ZNF692: variants seen among roughly 807,000 people sequenced by gnomAD.
The protein encoded by ZNF692 is AICAR responsive element binding protein.
Under a neutral mutation model 49.0 loss-of-function variants are expected in ZNF692, and 41 were observed. That is an observed-to-expected ratio of 0.84 (90% CI 0.65 to 1.08). The LOEUF is 1.08. Among genes scored for constraint, ZNF692 ranks in the 50% least tolerant of loss-of-function variants. ZNF692 has a pLI of 0.00. For synonymous variants in ZNF692, 288 were observed against 251.5 expected, an observed-to-expected ratio of 1.15 and a Z score of -1.37; for missense variants, 662 against 662.2, an observed-to-expected ratio of 1.00 and a Z score of 0.00.
intron 9 of ZNF692, chr1:248,854,307 C>T: frequency 2.3e-6 from 1 of 431,492 alleles, no homozygotes; most frequent in Admixed American, 3.6e-5. Flanking sequence ...TCCATTATCT[C>T]ACCTCCTTGT....
In ZNF692 at chr1:248,857,500, G is replaced by A. The variant is rs758476572; in HGVS notation, c.212-3C>T. 1 of 1,609,710 alleles carries A rather than the reference G, an allele frequency of 6.2e-7. No homozygotes were observed. The highest frequency in any genetic ancestry group is 1.7e-5 in the Admixed American group (1 of 59,624). On this transcript the variant is annotated splice_region_variant and splice_polypyrimidine_tract_variant and intron_variant, in intron 3 of 11. Coordinates refer to ENST00000306601, the MANE Select transcript of ZNF692 (RefSeq NM_017865.4). The stretch of plus-strand genomic sequence containing the variant: ...TTTTGGAGGCAAAGGCTCAGGACCT[G>A]GAGGGGTGGGGGAAGCAGTCAGGCT...
At position 248,857,188 on chromosome 1, in the gene ZNF692, C is replaced by T. The variant is rs377443937; in HGVS notation, c.475+46G>A. 17 of 1,548,164 alleles carry T rather than the reference C, an allele frequency of 1.1e-5. No individual in the cohort carries two copies. In the African/African-American group the frequency reaches 1.2e-4, roughly 11 times the overall value. The stretch of plus-strand genomic sequence containing the variant: ...GTTCTGAGCTACAGAAAATGGGAAA[C>T]GTTTTTCCTCCCTTTTCTCCATAAC... On this transcript the variant is annotated intron_variant, in intron 4 of 11. Coordinates refer to ENST00000306601, the MANE Select transcript of ZNF692 (RefSeq NM_017865.4).
intron 10 of ZNF692, among the ~76,000 whole-genome samples, chr1:248,853,508 G>T (rs747639590): frequency 7.2e-5 from 11 of 151,972 alleles, no homozygotes; most frequent in Non-Finnish European, 1.5e-4. Context: ...ACCACCTAAG[G>T]GCCCTTCCAC....
Position 248,855,479 on chromosome 1 carries a change from G to A in ZNF692, c.960-21C>T, listed in dbSNP as rs763173527. The A allele has an allele frequency of 3.1e-6, 5 of 1,613,948 alleles. No homozygotes were observed. In the Admixed American group the frequency reaches 8.3e-5, roughly 27 times the overall value. On this transcript the variant is annotated intron_variant, in intron 8 of 11. Transcript: ENST00000306601. ...CTTTCCTGAGGAGAAGAATGGAAAG[G>A]AGCAGCATGACTCCTGCCTGCCCTT...
At chr1:248,856,465 T>TCCTC in intron 5 of ZNF692, 43 bp from the exon 6 acceptor site, 2 of 1,614,172 alleles carry the variant, frequency 1.2e-6, no homozygotes, top group Non-Finnish European at 8.5e-7. Context: ...TGCTCCCTCA[T>TCCTC]CCTCCCACCT....
At chr1:248,853,471 C>A (rs1278927029) in intron 10 of ZNF692, among the ~76,000 whole-genome samples, 5 of 152,186 alleles carry the variant, frequency 3.3e-5, no homozygotes, top group Admixed American at 1.3e-4. Context: ...TGGCCTCTTC[C>A]CTATTCCTGG....
At chr1:248,851,043 A>G (rs1659521529) in intron 10 of ZNF692, 1 of 610,950 alleles carries the variant, frequency 1.6e-6, no homozygotes, top group Non-Finnish European at 3.1e-6. Flanking sequence ...ACTCAAACCA[A>G]TGAACTCCTG....
In ZNF692 at chr1:248,850,444, C is replaced by G. The variant is rs754007757; in HGVS notation, c.1326G>C (p.Thr442=). The part of the protein sequence containing the change: ...LNWHQRKHAE[T]VAALRFPCEF... ...CACAGGGGAAGCGCAAGGCAGCCAC[C>G]GTCTCTGCATGCTTGCGCTGGTGCC... The change falls in exon 12 of 12, where the codon ACG becomes ACC. Residue 442 remains threonine (T), a synonymous_variant. Transcript: ENST00000306601. The G allele has an allele frequency of 6.2e-7, 1 of 1,613,876 alleles. No individual in the cohort carries two copies. The highest frequency in any genetic ancestry group is 8.5e-7 in the Non-Finnish European group (1 of 1,179,950).
chr1:248,851,085 G>C (rs1206757512), intron 10 of ZNF692: 10 of 539,924 alleles, frequency 1.9e-5, no homozygotes, highest in Middle Eastern at 4.1e-4. Flanking sequence ...TCAGCCTCTA[G>C]GCTGGTTCTT....
In ZNF692 at chr1:248,857,310, T is replaced by G. The variant is rs1343794169; in HGVS notation, c.399A>C (p.Ala133=). ...GPSLSPTPSE[A]PKPASLPHTT... is the part of the protein sequence containing the mutation. Reference sequence around the variant, plus strand: ...TATGTGGAAGGGAGGCTGGCTTGGGTGCCTCTGAAGGTGTAGGGCTCAAAG... The same window carrying G: ...TATGTGGAAGGGAGGCTGGCTTGGGGGCCTCTGAAGGTGTAGGGCTCAAAG... Residue 133 remains alanine, a synonymous_variant, in exon 4 of 12, where the codon GCA becomes GCC. Transcript: ENST00000306601. 6 of 1,613,966 alleles carry G rather than the reference T, an allele frequency of 3.7e-6. No homozygotes were observed. The Admixed American group carries it at 5.0e-5, about 13-fold the overall frequency.
Position 248,857,393 on chromosome 1 carries a change from G to T in ZNF692, c.316C>A (p.Gln106Lys). 6.2e-7 allele frequency: 1 copy of T among 1,614,090 alleles called. No homozygotes were observed. Among genetic ancestry groups the T allele is most frequent in the Non-Finnish European group, 8.5e-7 (1 of 1,180,024 alleles). Residue 106 changes from glutamine to lysine, a missense_variant, in exon 4 of 12, where the codon CAA becomes AAA. Coordinates refer to ENST00000306601, the MANE Select transcript of ZNF692 (RefSeq NM_017865.4). ...CACTCCCACACAAGCCCCCCATCTT[G>T]GCCGCCAGGCCCCCGAAGCCCGGGC... ...LVPGLRGPGG[Q>K]DGGLVWECSA...
Position 248,858,204 on chromosome 1 carries a change from C to T in ZNF692, c.106G>A (p.Glu36Lys). 1 of 1,592,552 alleles carries T rather than the reference C, an allele frequency of 6.3e-7. No individual in the cohort carries two copies. The highest frequency in any genetic ancestry group is 8.5e-7 in the Non-Finnish European group (1 of 1,171,184). ...KCRIRLGGHM[E>K]QWCLLKERLG... ...CGCTCCTTGAGGAGGCACCACTGCT[C>T]CATGTGGCCGCCCAGGCGGATGCGG... The change falls in exon 2 of 12, where the codon GAG becomes AAG. Residue 36 changes from glutamate (E) to lysine (K), a missense_variant. Physicochemically the swap from Glu to Lys is moderately conservative, Grantham distance 56. Transcript: ENST00000306601. This position sits in a 1 kb window ranked among gnomAD's most constrained non-coding sequence, Gnocchi z 4.3.
chr1:248,855,255 A>T, intron 9 of ZNF692, 125 bp downstream of exon 9: 1 of 855,890 alleles, frequency 1.2e-6, no homozygotes. Context: ...GACTTTATAC[A>T]TGTCAGGTAC....
Position 248,850,151 on chromosome 1 carries a change from T to C in ZNF692, c.*59A>G, listed in dbSNP as rs1659374486. 2 of 1,498,528 alleles carry C rather than the reference T, an allele frequency of 1.3e-6. No homozygotes were observed. Among genetic ancestry groups the C allele is most frequent in the African/African-American group, 1.4e-5 (1 of 71,236 alleles). The allele number at this position is 1,498,528 out of a possible 1,614,324, so 92.8% of individuals were successfully genotyped here. A position where few individuals can be genotyped will look rare whatever the true frequency, so the allele number is the denominator to read the frequency against. ...GGCATTTCTCAAGCAGACCCTCTCC[T>C]TGTTGCTCCTTTTCAGTCCCTGGAG... On this transcript the variant is annotated 3_prime_UTR_variant, in exon 12 of 12. Coordinates refer to ENST00000306601, the MANE Select transcript of ZNF692 (RefSeq NM_017865.4).
chr1:248,854,236 G>A, intron 9 of ZNF692, 185 bp from the exon 10 acceptor site: 2 of 570,326 alleles, frequency 3.5e-6, no homozygotes, highest in Non-Finnish European at 6.3e-6. Context: ...TACACCATGA[G>A]TACCACACCC....
intron 10 of ZNF692, among the ~76,000 whole-genome samples, chr1:248,852,022 G>A (rs777573886): frequency 6.6e-6 from 1 of 152,096 alleles, no homozygotes; most frequent in Non-Finnish European, 1.5e-5. Flanking sequence ...TACTTGCTTG[G>A]TTAAAGCCCA....
intron 10 of ZNF692, among the ~76,000 whole-genome samples, chr1:248,851,869 T>A (rs1659640019): frequency 6.6e-6 from 1 of 152,246 alleles, no homozygotes; most frequent in Non-Finnish European, 1.5e-5. Flanking sequence ...CTTGCTATGA[T>A]AATCCCATGA....
At chr1:248,854,074 G>C (rs773991265) in intron 9 of ZNF692, 23 bp from the exon 10 acceptor site, 1 of 1,593,504 alleles carries the variant, frequency 6.3e-7, no homozygotes, top group African/African-American at 1.3e-5. Context: ...GTGGGTGGTA[G>C]GGAGAGAAGA....
chr1:248,854,725 A>C (rs1163591658), intron 9 of ZNF692, among the ~76,000 whole-genome samples: 1 of 152,134 alleles, frequency 6.6e-6, no homozygotes, highest in Non-Finnish European at 1.5e-5. Flanking sequence ...TCCACAGTTA[A>C]ACTTCCAGGG....
Sources: allele counts gnomAD v4.1 joint callset (sites outside exome capture counted in the v4.1 genomes callset), GRCh38; gene constraint gnomAD v4.1.1; non-coding constraint Gnocchi (gnomAD v3.1); transcripts MANE v1.5; gene names NCBI Gene and HGNC (gene_info 2026-07-23, HGNC 2026-07-21).